The following CDH11 variants were observed in gnomAD, a reference collection of about 807,000 sequenced individuals.
The protein encoded by CDH11 is cadherin-11.
CDH11 carries 11 observed loss-of-function variants against 67.8 expected under a neutral mutation model. The observed-to-expected ratio is 0.16, with a 90% CI of 0.10 to 0.27. The LOEUF is 0.27. Ranked by LOEUF, CDH11 falls within the 10% of genes least tolerant of loss-of-function variation. The pLI, the probability that CDH11 is intolerant of heterozygous loss-of-function variation, is 1.00. For missense variants in CDH11, 847 were observed against 1,031.2 expected, an observed-to-expected ratio of 0.82 and a Z score of 2.45; for synonymous variants, 419 against 400.0, an observed-to-expected ratio of 1.05 and a Z score of -0.57.
chr16:65,085,122 C>T (rs956511395), intron 1 of CDH11, among the ~76,000 whole-genome samples: 42 of 152,066 alleles, frequency 2.8e-4, no homozygotes, highest in African/African-American at 9.4e-4. Context: ...CATTGGGCAG[C>T]GTGGTCTCGA....
chr16:65,069,252 T>C (rs1179012144), intron 1 of CDH11, among the ~76,000 whole-genome samples: 7 of 152,218 alleles, frequency 4.6e-5, no homozygotes, highest in Non-Finnish European at 1.5e-5. Context: ...CTTGGGACTA[T>C]TTCCACATGG....
chr16:65,089,705 C>A (rs957623197), intron 1 of CDH11, among the ~76,000 whole-genome samples: 2 of 152,040 alleles, frequency 1.3e-5, no homozygotes, highest in Non-Finnish European at 2.9e-5. Context: ...GTTTCTTTTG[C>A]GTGTTACATA....
intron 1 of CDH11, among the ~76,000 whole-genome samples, chr16:65,055,437 C>T (rs1040473015): frequency 2.0e-5 from 3 of 152,192 alleles, no homozygotes; most frequent in Non-Finnish European, 4.4e-5. Flanking sequence ...TGTAAACTTG[C>T]TTGGAACACA....
chr16:64,951,268 A>G (rs1000341128), intron 11 of CDH11, among the ~76,000 whole-genome samples: 3 of 152,224 alleles, frequency 2.0e-5, no homozygotes, highest in African/African-American at 7.2e-5. Context: ...TTTCCATTGA[A>G]GAATGGGCAA....
intron 12 of CDH11, among the ~76,000 whole-genome samples, chr16:64,949,422 T>A (rs1247411834): frequency 8.5e-6 from 1 of 118,200 alleles, no homozygotes; most frequent in Non-Finnish European, 1.6e-5. Context: ...GCCTTTTTTT[T>A]TTCTTTTTTT....
At chr16:65,057,919 T>C (rs1159398795) in intron 1 of CDH11, among the ~76,000 whole-genome samples, 3 of 152,160 alleles carry the variant, frequency 2.0e-5, no homozygotes, top group African/African-American at 4.8e-5. Context: ...TGACTACAGA[T>C]AATTTCTACT....
chr16:64,948,121 G>C (rs1276752004), intron 12 of CDH11, 22 bp from the exon 13 acceptor site: 1 of 1,599,046 alleles, frequency 6.3e-7, no homozygotes, highest in East Asian at 2.2e-5. Context: ...GAAAAAGAAG[G>C]TAAGCATTCG....
chr16:65,090,886 G>A (rs924573054), intron 1 of CDH11, among the ~76,000 whole-genome samples: 3 of 152,098 alleles, frequency 2.0e-5, no homozygotes, highest in African/African-American at 7.2e-5. Flanking sequence ...AACACTCCAG[G>A]TTTGGAGATA....
chr16:65,024,111 C>A (rs2073485272), intron 2 of CDH11, among the ~76,000 whole-genome samples: 1 of 152,142 alleles, frequency 6.6e-6, no homozygotes, highest in African/African-American at 2.4e-5. Flanking sequence ...GTGAATATTG[C>A]CTTTCCTTTG....
At chr16:65,098,155 A>G (rs2074930804) in intron 1 of CDH11, among the ~76,000 whole-genome samples, 1 of 152,180 alleles carries the variant, frequency 6.6e-6, no homozygotes, top group African/African-American at 2.4e-5. Flanking sequence ...GGAAGAACCT[A>G]CTGACCAATG....
chr16:65,105,666 T>A (rs1362128200), intron 1 of CDH11, among the ~76,000 whole-genome samples: 4 of 152,170 alleles, frequency 2.6e-5, no homozygotes, highest in Non-Finnish European at 5.9e-5. Context: ...AGAGTTGATA[T>A]TTTCAAGATC....
At chr16:65,077,038 G>A (rs1486666014) in intron 1 of CDH11, among the ~76,000 whole-genome samples, 1 of 152,104 alleles carries the variant, frequency 6.6e-6, no homozygotes, top group Admixed American at 6.6e-5. Flanking sequence ...GGCATATCAG[G>A]AGTATAAAAG....
At chr16:64,990,094 A>T (rs2072592456) in intron 6 of CDH11, among the ~76,000 whole-genome samples, 1 of 152,210 alleles carries the variant, frequency 6.6e-6, no homozygotes, top group African/African-American at 2.4e-5. Flanking sequence ...TCCAAATCTC[A>T]TTCAAGTTCA....
chr16:65,047,239 A>G (rs535929230), intron 2 of CDH11, among the ~76,000 whole-genome samples: 1 of 152,362 alleles, frequency 6.6e-6, no homozygotes, highest in South Asian at 2.1e-4. Context: ...GAAGTCACAC[A>G]GAAAACTGAC....
intron 6 of CDH11, among the ~76,000 whole-genome samples, chr16:64,989,362 C>T (rs143984580): frequency 1.4e-4 from 22 of 152,114 alleles, no homozygotes; most frequent in East Asian, 5.8e-4. Context: ...TGATTGAACA[C>T]GCATGCTTGT....
intron 3 of CDH11, among the ~76,000 whole-genome samples, chr16:65,002,905 A>T (rs1275680275): frequency 6.6e-6 from 1 of 150,764 alleles, no homozygotes; most frequent in Non-Finnish European, 1.5e-5. Flanking sequence ...TGTCCTCATT[A>T]TTCTATTATT....
At chr16:64,989,140 A>C (rs1415937506) in intron 6 of CDH11, among the ~76,000 whole-genome samples, 1 of 152,144 alleles carries the variant, frequency 6.6e-6, no homozygotes, top group Non-Finnish European at 1.5e-5. Flanking sequence ...CACTGCAATG[A>C]AAAAGGAAAA....
At chr16:65,069,968 A>C (rs1296949934) in intron 1 of CDH11, among the ~76,000 whole-genome samples, 1 of 152,092 alleles carries the variant, frequency 6.6e-6, no homozygotes, top group African/African-American at 2.4e-5. Flanking sequence ...TCTGACCTCA[A>C]ACCTGGATAG....
At chr16:64,961,907 C>G (rs953052199) in intron 11 of CDH11, among the ~76,000 whole-genome samples, 1 of 151,930 alleles carries the variant, frequency 6.6e-6, no homozygotes, top group Non-Finnish European at 1.5e-5. Flanking sequence ...ACACACACAC[C>G]CCCCAAAACA....
Sources: gnomAD v4.1 joint callset for allele counts (sites outside exome capture counted in the v4.1 genomes callset) on GRCh38, gnomAD v4.1.1 for gene constraint, MANE v1.5 for transcripts, NCBI Gene and HGNC (gene_info 2026-07-23, HGNC 2026-07-21) for gene names.